The following VRK3 variants were observed in gnomAD, a reference collection of about 807,000 sequenced individuals.
VRK3 encodes VRK serine/threonine kinase 3.
Under a neutral mutation model 60.4 loss-of-function variants are expected in VRK3, and 50 were observed. The observed-to-expected ratio is 0.83, with a 90% confidence interval of 0.66 to 1.05. The LOEUF is 1.05. Among genes scored for constraint, VRK3 ranks in the 50% least tolerant of loss-of-function variants. The probability of loss-of-function intolerance (pLI) is 0.00; values close to 1 mark genes in which losing one functional copy is unlikely to be tolerated. For synonymous variants in VRK3, 246 were observed against 227.8 expected (o/e 1.08, Z -0.72); for missense variants, 549 against 585.3 (o/e 0.94, Z 0.64).
At chr19:49,989,553 C>A (rs1360553653) in intron 11 of VRK3, 86 bp downstream of exon 11, 49 of 1,488,894 alleles carry the variant, frequency 3.3e-5, no homozygotes, top group Non-Finnish European at 4.0e-5. Flanking sequence ...GTCTGGCCAC[C>A]TGCTGTCTCT....
chr19:50,000,628 AG>A, intron 6 of VRK3, 161 bp downstream of exon 6: 1 of 757,226 alleles, frequency 1.3e-6, no homozygotes, highest in Non-Finnish European at 2.2e-6. Flanking sequence ...GGGATGATGG[AG>A]AACTGGGCGC....
chr19:50,022,687 G>A (rs1422354570), intron 1 of VRK3, among the ~76,000 whole-genome samples: 2 of 152,080 alleles, frequency 1.3e-5, no homozygotes, highest in African/African-American at 2.4e-5. Context: ...CCAGCTACTT[G>A]GGAGGCTGAG....
At chr19:49,982,615 A>C (rs1330934632) in intron 12 of VRK3, among the ~76,000 whole-genome samples, 1 of 152,236 alleles carries the variant, frequency 6.6e-6, no homozygotes, top group Non-Finnish European at 1.5e-5. Flanking sequence ...CAGATGATTA[A>C]AATTTTTCTC....
chr19:49,984,133 G>A (rs181835434), intron 12 of VRK3, among the ~76,000 whole-genome samples: 7 of 152,278 alleles, frequency 4.6e-5, no homozygotes, highest in Non-Finnish European at 7.4e-5. Flanking sequence ...TGATAAGACC[G>A]CTCTTAGGAG....
chr19:49,979,272 G>C, intron 13 of VRK3, 30 bp from the exon 14 acceptor site: 1 of 1,613,878 alleles, frequency 6.2e-7, no homozygotes. Flanking sequence ...CAGCAAGGGA[G>C]AGCCTGAGAG....
At chr19:50,007,517 T>C in intron 5 of VRK3, 52 bp downstream of exon 5, 2 of 1,603,174 alleles carry the variant, frequency 1.2e-6, no homozygotes, top group Non-Finnish European at 1.7e-6. Flanking sequence ...CCCCTCCCAC[T>C]GTCCTGGTGC....
At chr19:49,993,501 T>G (rs544867143) in intron 9 of VRK3, among the ~76,000 whole-genome samples, 180 of 152,126 alleles carry the variant, frequency 1.2e-3, no homozygotes, top group Non-Finnish European at 5.3e-4. Context: ...CAAGCTCAGG[T>G]GATCCTCCCA....
At chr19:50,022,375 G>A (rs2077184960) in intron 1 of VRK3, among the ~76,000 whole-genome samples, 1 of 152,198 alleles carries the variant, frequency 6.6e-6, no homozygotes, top group Non-Finnish European at 1.5e-5. Flanking sequence ...TGCTACTGCA[G>A]CAGCCTCCTA....
intron 7 of VRK3, 96 bp from the exon 8 acceptor site, chr19:49,995,371 C>T: frequency 8.9e-7 from 1 of 1,125,358 alleles, no homozygotes; most frequent in Non-Finnish European, 1.3e-6. Flanking sequence ...AGTGCCCAGA[C>T]CGCCTCCAAG....
At chr19:49,988,092 CTAG>C (rs1215327767) in intron 12 of VRK3, 3 of 281,892 alleles carry the variant, frequency 1.1e-5, no homozygotes, top group Middle Eastern at 1.2e-3. Flanking sequence ...AAGGTAGTAG[CTAG>C]TAGGAGACCA....
chr19:49,994,591 C>T (rs1249911249), intron 9 of VRK3, among the ~76,000 whole-genome samples: 3 of 152,210 alleles, frequency 2.0e-5, no homozygotes, highest in Non-Finnish European at 2.9e-5. Flanking sequence ...AGTTTGAGGC[C>T]GGGGCTCCTT....
At chr19:49,985,821 A>G (rs1034541632) in intron 12 of VRK3, among the ~76,000 whole-genome samples, 1 of 152,234 alleles carries the variant, frequency 6.6e-6, no homozygotes, top group African/African-American at 2.4e-5. Flanking sequence ...AGTTCACCTC[A>G]TAAGCCTCCT....
chr19:50,007,193 C>T (rs12461698), intron 5 of VRK3, among the ~76,000 whole-genome samples: 18,337 of 152,116 alleles, frequency 0.12, 1,416 homozygotes, highest in East Asian at 0.29. Context: ...CCAAATTTTA[C>T]GTGGGGATCC....
At chr19:49,994,232 T>C (rs1036326593) in intron 9 of VRK3, among the ~76,000 whole-genome samples, 15 of 152,192 alleles carry the variant, frequency 9.9e-5, no homozygotes, top group Admixed American at 7.2e-4. Context: ...GCACTTGTCA[T>C]AGTTTGTGCA....
intron 12 of VRK3, chr19:49,986,684 G>C (rs145598411): frequency 6.6e-6 from 1 of 152,154 alleles, no homozygotes; most frequent in Non-Finnish European, 1.5e-5. Flanking sequence ...AGGACTTCAC[G>C]GCACACTAAG....
At chr19:50,017,175 G>A (rs115732142) in intron 2 of VRK3, among the ~76,000 whole-genome samples, 6 of 151,578 alleles carry the variant, frequency 4.0e-5, no homozygotes, top group Non-Finnish European at 8.8e-5. Context: ...GCCTGGACAA[G>A]AAGAGTGAAA....
chr19:49,995,788 G>A (rs114628470), intron 7 of VRK3, among the ~76,000 whole-genome samples: 2 of 152,126 alleles, frequency 1.3e-5, no homozygotes, highest in South Asian at 2.1e-4. Flanking sequence ...TTGCTCTGTC[G>A]CCCTGGATGG....
At chr19:49,991,774 G>C (rs745695523) in intron 10 of VRK3, among the ~76,000 whole-genome samples, 13 of 152,194 alleles carry the variant, frequency 8.5e-5, no homozygotes, top group Non-Finnish European at 1.8e-4. Context: ...CCAGAGATGG[G>C]AGAGCCGGCT....
In VRK3 at chr19:49,982,306, C is replaced by A. The variant is rs1355057544; in HGVS notation, c.1218-1293G>T. ...TCTCAGGCTTTGGGACATCAGACAG[C>A]CCTTCAGCATTATGCTAGGTGGCTG... is the stretch of plus-strand genomic sequence containing the variant. On this transcript the variant is annotated intron_variant, in intron 12 of 14. Transcript: ENST00000316763. The A allele has an allele frequency of 5.8e-6, 4 of 684,466 alleles. No homozygotes were observed. The Admixed American group carries it at 6.1e-5, about 11-fold the overall frequency. The allele number at this position is 684,466 out of a possible 1,614,324, so 42.4% of individuals were successfully genotyped here.
Sources: allele counts gnomAD v4.1 joint callset (sites outside exome capture counted in the v4.1 genomes callset), GRCh38; gene constraint gnomAD v4.1.1; transcripts MANE v1.5; gene names NCBI Gene and HGNC (gene_info 2026-07-23, HGNC 2026-07-21).